ATXN1: variants seen among roughly 807,000 people sequenced by gnomAD.
The protein encoded by ATXN1 is ataxin-1.
In ATXN1, 8 loss-of-function variants were observed where a neutral mutation model predicts 56.4. That is an observed-to-expected ratio of 0.14 (90% CI 0.08 to 0.26). The LOEUF is 0.26. Among genes scored for constraint, ATXN1 ranks in the 10% least tolerant of loss-of-function variants. ATXN1 has a pLI of 1.00. For synonymous variants in ATXN1, 514 were observed against 494.6 expected (o/e 1.04, Z -0.52); for missense variants, 987 against 1,106.5 (o/e 0.89, Z 1.53).
chr6:16,741,925 A>T (rs1442978111), intron 2 of ATXN1, among the ~76,000 whole-genome samples: 3 of 152,220 alleles, frequency 2.0e-5, no homozygotes, highest in Non-Finnish European at 2.9e-5. Flanking sequence ...ATGGAAAAAA[A>T]ATATAACTTG....
intron 2 of ATXN1, among the ~76,000 whole-genome samples, chr6:16,665,173 C>A (rs955810250): frequency 1.3e-5 from 2 of 152,078 alleles, no homozygotes; most frequent in African/African-American, 4.8e-5. Flanking sequence ...TTATATCATA[C>A]CAAAACTCAA....
intron 6 of ATXN1, among the ~76,000 whole-genome samples, chr6:16,460,830 C>A (rs1034509543): frequency 6.6e-6 from 1 of 152,162 alleles, no homozygotes; most frequent in South Asian, 2.1e-4. Context: ...CTTCCCCCCA[C>A]GGACCAGCGC....
chr6:16,527,020 TAAAA>T (rs76670120), intron 4 of ATXN1, among the ~76,000 whole-genome samples: 2 of 103,496 alleles, frequency 1.9e-5, no homozygotes, highest in Admixed American at 9.6e-5. Flanking sequence ...GGTGAAAACC[TAAAA>T]AAAAAAAAAA....
At chr6:16,617,491 T>C (rs1691603173) in intron 3 of ATXN1, among the ~76,000 whole-genome samples, 1 of 149,746 alleles carries the variant, frequency 6.7e-6, no homozygotes, top group Non-Finnish European at 1.5e-5. Flanking sequence ...AAAAGCAAAA[T>C]AGAAAAAAAA....
At chr6:16,673,091 C>T (rs926919124) in intron 2 of ATXN1, among the ~76,000 whole-genome samples, 1 of 151,796 alleles carries the variant, frequency 6.6e-6, no homozygotes, top group African/African-American at 2.4e-5. Context: ...TCTCTAGAGT[C>T]CCTACAGAGA....
intron 3 of ATXN1, among the ~76,000 whole-genome samples, chr6:16,618,225 G>T (rs531163741): frequency 4.9e-4 from 74 of 152,190 alleles, no homozygotes; most frequent in Admixed American, 3.4e-3. Context: ...AGAACACATG[G>T]ACACAGAGAG....
rs776775767 is a variant in ATXN1, at chr6:16,327,931, A to C, written c.380T>G (p.Phe127Cys). The part of the protein sequence containing the change: ...PVQYAHLPHT[F>C]QFIGSSQYSG... Reference sequence around the variant, plus strand: ...GTATTGGGAGGACCCAATGAACTGGAAGGTGTGCGGCAGGTGAGCGTACTG... The same window carrying C: ...GTATTGGGAGGACCCAATGAACTGGCAGGTGTGCGGCAGGTGAGCGTACTG... The change falls in exon 7 of 8, where the codon TTC becomes TGC. Residue 127 changes from phenylalanine to cysteine, a missense_variant. Physicochemically the swap from Phe to Cys is radical, Grantham distance 205 (BLOSUM62 -2). Coordinates refer to ENST00000436367, the MANE Select transcript of ATXN1 (RefSeq NM_001128164.2). 6.2e-7 allele frequency: 1 copy of C among 1,611,372 alleles called. No homozygotes were observed. The highest frequency in any genetic ancestry group is 8.5e-7 in the Non-Finnish European group (1 of 1,179,898).
At chr6:16,492,693 T>C (rs1186509214) in intron 5 of ATXN1, among the ~76,000 whole-genome samples, 1 of 152,086 alleles carries the variant, frequency 6.6e-6, no homozygotes, top group Non-Finnish European at 1.5e-5. Flanking sequence ...TGCAGTTTTT[T>C]GCTCTCTCTG....
rs150456477 is a variant in ATXN1, at chr6:16,569,442, G to A, written c.-361+16338C>T. 2.3e-3 allele frequency among the ~76,000 whole-genome samples: 343 copies of A among 149,006 alleles called. 2 individuals carry two copies. The highest frequency in any genetic ancestry group is 3.9e-3 in the Non-Finnish European group (264 of 67,436). ...CTGGGGAGGCTAAGACAGGAGAATC[G>A]CTTGAACCCAGGAGGTGGAGGCTGT... On this transcript the variant is annotated intron_variant, in intron 4 of 7. Coordinates refer to ENST00000436367, the MANE Select transcript of ATXN1 (RefSeq NM_001128164.2).
chr6:16,398,471 TAG>T (rs1758498527), intron 6 of ATXN1, among the ~76,000 whole-genome samples: 1 of 152,206 alleles, frequency 6.6e-6, no homozygotes, highest in African/African-American at 2.4e-5. Context: ...TATATGTGTA[TAG>T]AGTTTATTTT....
intron 2 of ATXN1, among the ~76,000 whole-genome samples, chr6:16,751,156 A>T (rs1422029560): frequency 2.6e-5 from 4 of 151,916 alleles, no homozygotes; most frequent in African/African-American, 9.7e-5. Context: ...TTTAGTAGAG[A>T]CAGGATTTCA....
Position 16,657,043 on chromosome 6 carries a change from G to C in ATXN1, c.-489+733C>G, listed in dbSNP as rs550808891. Among the ~76,000 whole-genome samples, 127 of 147,152 alleles carry C rather than the reference G, an allele frequency of 8.6e-4. 1 individual carries two copies. The South Asian group carries it at 0.014, about 17-fold the overall frequency. The stretch of plus-strand genomic sequence containing the variant: ...CTGTCGCCCAGGCTGGAGTGCAGTG[G>C]TGCAATCTCGGCTCACTGCAAGCTC... On this transcript the variant is annotated intron_variant, in intron 3 of 7. Transcript: ENST00000436367.
chr6:16,560,815 A>C (rs926307595), intron 4 of ATXN1, among the ~76,000 whole-genome samples: 3 of 152,210 alleles, frequency 2.0e-5, no homozygotes, highest in African/African-American at 7.2e-5. Context: ...CATTTTTAGC[A>C]TCACAGTCAA....
intron 4 of ATXN1, among the ~76,000 whole-genome samples, chr6:16,560,362 G>A (rs1762094022): frequency 6.9e-6 from 1 of 144,392 alleles, no homozygotes; most frequent in Non-Finnish European, 1.5e-5. Context: ...CGGGGAGGCG[G>A]AGGTTGCAGT....
intron 7 of ATXN1, among the ~76,000 whole-genome samples, chr6:16,318,053 T>C (rs1387133123): frequency 6.6e-6 from 1 of 152,236 alleles, no homozygotes; most frequent in Non-Finnish European, 1.5e-5. Context: ...ATCTAAACAC[T>C]ATGCACATAC....
chr6:16,640,664 C>T (rs1490727201), intron 3 of ATXN1, among the ~76,000 whole-genome samples: 1 of 148,692 alleles, frequency 6.7e-6, no homozygotes, highest in Non-Finnish European at 1.5e-5. Flanking sequence ...GCCTGGGTGA[C>T]AGAGCGAGAC....
chr6:16,560,055 C>T (rs1330118333), intron 4 of ATXN1, among the ~76,000 whole-genome samples: 1 of 152,042 alleles, frequency 6.6e-6, no homozygotes, highest in Non-Finnish European at 1.5e-5. Flanking sequence ...CAAATTTGCC[C>T]TCTGTTGTAG....
In ATXN1 at chr6:16,566,664, G is replaced by C. The variant is rs236944; in HGVS notation, c.-361+19116C>G. On this transcript the variant is annotated intron_variant, in intron 4 of 7. Coordinates refer to ENST00000436367, the MANE Select transcript of ATXN1 (RefSeq NM_001128164.2). ...GTCAGGAGATCAAGACCATCCTGGC[G>C]AACACTGTGAAACCCCGTCTCTACT... 2.9e-3 allele frequency among the ~76,000 whole-genome samples: 435 copies of C among 151,964 alleles called. 3 individuals carry two copies. Among genetic ancestry groups the C allele is most frequent in the African/African-American group, 6.8e-3 (282 of 41,390 alleles).
At chr6:16,485,441 T>C (rs1760525629) in intron 6 of ATXN1, 1 of 152,212 alleles carries the variant, frequency 6.6e-6, no homozygotes, top group African/African-American at 2.4e-5. Context: ...CAGCTCATTT[T>C]AAGTAAGGGA....
Sources: gnomAD v4.1 joint callset for allele counts (sites outside exome capture counted in the v4.1 genomes callset) on GRCh38, gnomAD v4.1.1 for gene constraint, MANE v1.5 for transcripts, NCBI Gene and HGNC (gene_info 2026-07-23, HGNC 2026-07-21) for gene names.